The following JPH1 variants were observed in gnomAD, a reference collection of about 807,000 sequenced individuals.
The protein encoded by JPH1 is junctophilin 1.
JPH1 carries 12 observed loss-of-function variants against 53.6 expected under a neutral mutation model. The ratio of observed to expected loss-of-function variants is 0.22; its 90% CI spans 0.14 to 0.36. JPH1 has a LOEUF of 0.36. Among genes scored for constraint, JPH1 ranks in the 10% least tolerant of loss-of-function variants. The pLI is 1.00. For missense variants in JPH1, 808 were observed against 905.5 expected (o/e 0.89, Z 1.38); for synonymous variants, 375 against 363.8 (o/e 1.03, Z -0.35).
rs16938834 is a variant in JPH1 at position 74,247,062 on chromosome 8, T to C, written c.1259-1887A>G. Among the ~76,000 whole-genome samples the C allele has an allele frequency of 6.2e-3, 940 of 152,298 alleles. 10 individuals are homozygous for C. Among genetic ancestry groups the C allele is most frequent in the African/African-American group, 0.021 (883 of 41,552 alleles). On this transcript the variant is annotated intron_variant, in intron 3 of 5. Coordinates refer to ENST00000342232, the MANE Select transcript of JPH1 (RefSeq NM_020647.4). ...AAGGGCAGCATGAGCACAAAAAAGTTATCTTTCATCAGCTGAACTGTCCCT... is the reference window on the plus strand; with the variant it reads ...AAGGGCAGCATGAGCACAAAAAAGTCATCTTTCATCAGCTGAACTGTCCCT...
chr8:74,295,304 T>C (rs1807472517), intron 2 of JPH1, among the ~76,000 whole-genome samples: 1 of 152,170 alleles, frequency 6.6e-6, no homozygotes, highest in Non-Finnish European at 1.5e-5. Context: ...TGTGTGTGTG[T>C]GTATATAGTT....
intron 2 of JPH1, among the ~76,000 whole-genome samples, chr8:74,296,316 T>C (rs956885016): frequency 6.6e-6 from 1 of 152,178 alleles, no homozygotes; most frequent in African/African-American, 2.4e-5. Context: ...ATCGCTTTCT[T>C]TCCCAGAGTG....
intron 3 of JPH1, among the ~76,000 whole-genome samples, chr8:74,253,822 A>G (rs1806139638): frequency 6.6e-6 from 1 of 152,006 alleles, no homozygotes. Flanking sequence ...TGACACAAAC[A>G]CTCTCCCAAG....
chr8:74,248,216 A>G (rs1185449848), intron 3 of JPH1, among the ~76,000 whole-genome samples: 2 of 152,220 alleles, frequency 1.3e-5, no homozygotes, highest in Admixed American at 1.3e-4. Context: ...ATTGATCTAC[A>G]GGGCTTCTGA....
At chr8:74,301,970 T>C (rs1807695619) in intron 2 of JPH1, among the ~76,000 whole-genome samples, 1 of 152,062 alleles carries the variant, frequency 6.6e-6, no homozygotes, top group Non-Finnish European at 1.5e-5. Context: ...CAAAACCCAG[T>C]GGAGGGGAAG....
intron 2 of JPH1, among the ~76,000 whole-genome samples, chr8:74,284,023 A>C (rs1452721902): frequency 6.6e-6 from 1 of 152,172 alleles, no homozygotes; most frequent in Non-Finnish European, 1.5e-5. Context: ...CAGTGATTGC[A>C]AATTTCCTTC....
intron 3 of JPH1, among the ~76,000 whole-genome samples, chr8:74,255,678 T>C (rs995267825): frequency 6.6e-6 from 1 of 151,894 alleles, no homozygotes. Flanking sequence ...GAATCTACAA[T>C]GAACTCAAAC....
chr8:74,317,114 G>C (rs1416113525), intron 1 of JPH1, among the ~76,000 whole-genome samples: 2 of 152,140 alleles, frequency 1.3e-5, no homozygotes, highest in African/African-American at 4.8e-5. Flanking sequence ...AAAACACCGG[G>C]CAAAAATGCT....
chr8:74,244,993 T>C lies in JPH1; in HGVS notation c.1441A>G (p.Lys481Glu). 1.2e-6 allele frequency: 2 copies of C among 1,614,004 alleles called. No homozygotes were observed. ...KHSHSPASSP[K>E]PLKKQNPSSG... Reference sequence around the variant, plus strand: ...CTGGGGTTTTGCTTCTTCAGGGGCTTTGGGGAGGAAGCAGGAGAGTGGCTG... The same window carrying C: ...CTGGGGTTTTGCTTCTTCAGGGGCTCTGGGGAGGAAGCAGGAGAGTGGCTG... Residue 481 changes from lysine to glutamate, a missense_variant, in exon 4 of 6, where the codon AAG becomes GAG. This residue lies in a region of JPH1 where 756 missense variants were observed against 811.9 expected (regional missense o/e 0.93). Transcript: ENST00000342232.
intron 2 of JPH1, among the ~76,000 whole-genome samples, chr8:74,288,528 G>C (rs1563412300): frequency 6.6e-6 from 1 of 152,120 alleles, no homozygotes; most frequent in African/African-American, 2.4e-5. Context: ...GAGGTGGGAA[G>C]AGTAAGAAAA....
intron 4 of JPH1, among the ~76,000 whole-genome samples, chr8:74,238,315 A>G (rs1443559783): frequency 6.6e-6 from 1 of 152,138 alleles, no homozygotes; most frequent in African/African-American, 2.4e-5. Context: ...AATAATGGAG[A>G]TTGGAGCTGT....
At chr8:74,261,041 G>A (rs139206694) in intron 2 of JPH1, among the ~76,000 whole-genome samples, 21 of 152,276 alleles carry the variant, frequency 1.4e-4, no homozygotes, top group South Asian at 6.2e-4. Context: ...TGAATGGAAT[G>A]ACAAAACCAT....
At chr8:74,299,003 C>T (rs544056300) in intron 2 of JPH1, among the ~76,000 whole-genome samples, 10 of 152,280 alleles carry the variant, frequency 6.6e-5, no homozygotes, top group African/African-American at 1.2e-4. Context: ...CAAAAAGCCA[C>T]GAAGACGACA....
At chr8:74,284,044 A>C (rs2383924) in intron 2 of JPH1, among the ~76,000 whole-genome samples, 61,983 of 151,980 alleles carry the variant, frequency 0.41, 13,847 homozygotes, top group African/African-American at 0.6. Context: ...CCTTGGACCC[A>C]GGAGTCCTCC....
Position 74,266,562 on chromosome 8 carries a change from T to C in JPH1, c.1140-7059A>G, listed in dbSNP as rs551695694. 7.9e-5 allele frequency among the ~76,000 whole-genome samples: 12 copies of C among 152,262 alleles called. No homozygotes were observed. In the East Asian group the frequency reaches 1.5e-3, roughly 20 times the overall value. On this transcript the variant is annotated intron_variant, in intron 2 of 5. Coordinates refer to ENST00000342232, the MANE Select transcript of JPH1 (RefSeq NM_020647.4). The stretch of plus-strand genomic sequence containing the variant: ...AGGAGGGGAGAATAAAGCATTATTG[T>C]TTAATGGGTACAGATTGTTAGTTTT...
chr8:74,321,190 T>C lies in JPH1; in HGVS notation c.98A>G (p.Lys33Arg), dbSNP rs745953425. 6 of 1,612,880 alleles carry C rather than the reference T, an allele frequency of 3.7e-6. No individual in the cohort carries two copies. The South Asian group carries it at 5.5e-5, about 15-fold the overall frequency. ...GGAGCCCGAGTACTCGCCCTGGCCC[T>C]TGGGCCCCGTGCAGATGCCATGCCC... ...AHGHGICTGPKGQGEYSGSWS... is the reference protein window; with the variant it reads ...AHGHGICTGPRGQGEYSGSWS... The change falls in exon 1 of 6, where the codon AAG (lysine) becomes AGG (arginine). Residue 33 changes from lysine to arginine, a missense_variant. Lys to Arg is a conservative substitution (Grantham distance 26). This residue lies in a region of JPH1 where 52 missense variants were observed against 93.6 expected (regional missense o/e 0.56). Transcript: ENST00000342232. The surrounding 1 kb of genome is among the most constrained non-coding windows in gnomAD (Gnocchi z 4.3).
At chr8:74,279,833 C>A (rs545534783) in intron 2 of JPH1, among the ~76,000 whole-genome samples, 55 of 152,288 alleles carry the variant, frequency 3.6e-4, no homozygotes, top group Non-Finnish European at 5.9e-5. Flanking sequence ...AGTTTGAAAA[C>A]CACTGGAAAA....
intron 4 of JPH1, among the ~76,000 whole-genome samples, chr8:74,243,922 GAA>G (rs1355412082): frequency 1.3e-5 from 2 of 152,154 alleles, no homozygotes; most frequent in African/African-American, 4.8e-5. Flanking sequence ...CTCACACTTT[GAA>G]AAGACAGAAG....
At chr8:74,264,901 G>C (rs1806488950) in intron 2 of JPH1, among the ~76,000 whole-genome samples, 1 of 152,116 alleles carries the variant, frequency 6.6e-6, no homozygotes, top group South Asian at 2.1e-4. Flanking sequence ...TGTGTTCTCT[G>C]ATCTTAACTC....
Sources: gnomAD v4.1 joint callset for allele counts (sites outside exome capture counted in the v4.1 genomes callset) on GRCh38, gnomAD v4.1.1 for gene constraint, gnomAD v4.1.1 regional missense constraint, Gnocchi (gnomAD v3.1) non-coding constraint, MANE v1.5 for transcripts, NCBI Gene and HGNC (gene_info 2026-07-23, HGNC 2026-07-21) for gene names.